The following CDH19 variants were observed in gnomAD, a reference collection of about 807,000 sequenced individuals.
CDH19 encodes the protein cadherin-19.
In CDH19, 67 loss-of-function variants were observed where a neutral mutation model predicts 64.2. That is an observed-to-expected ratio of 1.04 (90% CI 0.86 to 1.28). The LOEUF (loss-of-function observed/expected upper bound fraction) is 1.28, where lower values mean the gene tolerates loss of function less well. Among genes scored for constraint, CDH19 ranks in the 50% most tolerant of loss-of-function variants. The pLI is 0.00. For missense variants in CDH19, 1,030 were observed against 929.0 expected (o/e 1.11, Z -1.41); for synonymous variants, 346 against 319.3 (o/e 1.08, Z -0.89).
intron 1 of CDH19, among the ~76,000 whole-genome samples, chr18:66,574,144 C>T (rs993889769): frequency 2.0e-5 from 3 of 151,606 alleles, no homozygotes; most frequent in African/African-American, 7.3e-5. Flanking sequence ...CGTTTATATG[C>T]TGAAGAGTCA....
intron 7 of CDH19, among the ~76,000 whole-genome samples, chr18:66,538,638 G>A (rs905198893): frequency 2.6e-5 from 4 of 152,074 alleles, no homozygotes; most frequent in Non-Finnish European, 5.9e-5. Flanking sequence ...TTCTAGGCCT[G>A]CTGCAACAAA....
At chr18:66,516,571 C>G (rs1052059672) in intron 9 of CDH19, among the ~76,000 whole-genome samples, 2 of 152,000 alleles carry the variant, frequency 1.3e-5, no homozygotes, top group Non-Finnish European at 2.9e-5. Context: ...TCACCATTTT[C>G]AAGAGGGCTA....
rs770766547 is a variant in CDH19, at chr18:66,553,109, T to C, written c.610+1296A>G. 5.2e-5 allele frequency among the ~76,000 whole-genome samples: 7 copies of C among 134,758 alleles called. 1 individual carries two copies. Among genetic ancestry groups the C allele is most frequent in the Non-Finnish European group, 1.1e-4 (7 of 65,810 alleles). 88.4% of individuals were successfully genotyped at this position (134,758 alleles called of 152,430 possible). ...CCCACTGAAACTTTTTGGTTTTACT[T>C]CATAAGTACCTACAGTGGAATGTAT... On this transcript the variant is annotated intron_variant, in intron 4 of 11. Transcript: ENST00000262150.
chr18:66,603,960 A>G lies in CDH19; in HGVS notation c.-119T>C, dbSNP rs763069652. ...CTGATTATCACAGTCTTACCTTTGT[A>G]ACTTCAACTTCTAGAAGTTCTGTGA... is the stretch of plus-strand genomic sequence containing the variant. On this transcript the variant is annotated 5_prime_UTR_variant, in exon 1 of 12. Transcript: ENST00000262150. 6.6e-6 allele frequency: 1 copy of G among 152,152 alleles called. No individual in the cohort carries two copies. The highest frequency in any genetic ancestry group is 2.4e-5 in the African/African-American group (1 of 41,444). The allele number at this position is 152,152 out of a possible 1,614,324, so 9.4% of individuals were successfully genotyped here. A position where few individuals can be genotyped will look rare whatever the true frequency, so the allele number is the denominator to read the frequency against.
At chr18:66,510,791 G>A (rs1422636789) in intron 10 of CDH19, among the ~76,000 whole-genome samples, 2 of 151,266 alleles carry the variant, frequency 1.3e-5, no homozygotes, top group African/African-American at 2.4e-5. Context: ...CAGACAGAAA[G>A]GTGTTGCATT....
intron 1 of CDH19, among the ~76,000 whole-genome samples, chr18:66,591,957 A>G (rs993076297): frequency 4.0e-5 from 6 of 151,888 alleles, no homozygotes; most frequent in African/African-American, 1.4e-4. Context: ...GGCATTTCAA[A>G]GTGCATACTG....
chr18:66,513,655 A>C (rs12957423), intron 9 of CDH19, among the ~76,000 whole-genome samples: 43,443 of 151,156 alleles, frequency 0.29, 7,327 homozygotes, highest in Non-Finnish European at 0.38. Flanking sequence ...TTATAAGAAA[A>C]ACTTCTATAT....
chr18:66,561,217 C>T (rs930095687), intron 3 of CDH19, among the ~76,000 whole-genome samples: 1 of 152,020 alleles, frequency 6.6e-6, no homozygotes, highest in African/African-American at 2.4e-5. Flanking sequence ...TTCACTCTGG[C>T]TTATTTTAAT....
At position 66,509,085 on chromosome 18, in the gene CDH19, G is replaced by A; in HGVS notation, c.1738C>T (p.Gln580Ter). The A allele has an allele frequency of 6.2e-7, 1 of 1,612,868 alleles. No homozygotes were observed. Among genetic ancestry groups the A allele is most frequent in the Non-Finnish European group, 8.5e-7 (1 of 1,179,254 alleles). Residue 580 changes from glutamine to a stop codon, truncating the protein, a stop_gained, in exon 11 of 12, where the codon CAG becomes TAG. Transcript: ENST00000262150. LOFTEE classifies it high-confidence loss of function. ...ACAAGCTCCTGGTACTGGCAGGTCT[G>A]TGTGCTCCCACTGTCACCACAGTCA... is the stretch of plus-strand genomic sequence containing the variant. ...VCDCGDSGSTQTCQYQELVLS... is the reference protein window; with the variant it reads ...VCDCGDSGST
intron 3 of CDH19, among the ~76,000 whole-genome samples, chr18:66,556,596 A>T (rs1416012926): frequency 1.3e-5 from 2 of 151,794 alleles, no homozygotes; most frequent in Non-Finnish European, 2.9e-5. Context: ...AAATGGTAAG[A>T]TTTTCTTCTT....
chr18:66,593,886 A>G (rs1988811233), intron 1 of CDH19, among the ~76,000 whole-genome samples: 1 of 152,142 alleles, frequency 6.6e-6, no homozygotes, highest in African/African-American at 2.4e-5. Context: ...TTGCTGAGAG[A>G]GGGAAAACAG....
At chr18:66,522,112 AT>A (rs796140199) in intron 9 of CDH19, among the ~76,000 whole-genome samples, 1 of 149,032 alleles carries the variant, frequency 6.7e-6, no homozygotes, top group African/African-American at 2.5e-5. Context: ...ATGCCCGGCA[AT>A]TTTTTTTTGT....
At chr18:66,555,269 T>A (rs918441842) in intron 3 of CDH19, among the ~76,000 whole-genome samples, 8 of 151,870 alleles carry the variant, frequency 5.3e-5, no homozygotes, top group African/African-American at 1.9e-4. Context: ...GGATCTTATT[T>A]GAAATATGTA....
chr18:66,545,172 G>T (rs2144492161), intron 5 of CDH19, among the ~76,000 whole-genome samples: 1 of 151,950 alleles, frequency 6.6e-6, no homozygotes. Context: ...TAGAGATAGG[G>T]TTTCACCGTT....
Position 66,563,094 on chromosome 18 carries a change from C to T in CDH19, c.490+5322G>A, listed in dbSNP as rs184596260. On this transcript the variant is annotated intron_variant, in intron 3 of 11. Coordinates refer to ENST00000262150, the MANE Select transcript of CDH19 (RefSeq NM_021153.4). The stretch of plus-strand genomic sequence containing the variant: ...CTGGTGATTATGGGAAGCATATAAA[C>T]AAAAAATCATAAAAAGTGAAAAATT... Among the ~76,000 whole-genome samples, 196 of 151,890 alleles carry T rather than the reference C, an allele frequency of 1.3e-3. 2 individuals carry two copies. The highest frequency in any genetic ancestry group is 3.7e-3 in the East Asian group (19 of 5,152).
At chr18:66,535,850 G>T (rs980403687) in intron 7 of CDH19, among the ~76,000 whole-genome samples, 3 of 145,886 alleles carry the variant, frequency 2.1e-5, no homozygotes, top group African/African-American at 7.4e-5. Context: ...TACAATATAT[G>T]TATGTATATA....
chr18:66,533,016 T>C (rs1358288585), intron 8 of CDH19, among the ~76,000 whole-genome samples: 1 of 152,030 alleles, frequency 6.6e-6, no homozygotes, highest in Non-Finnish European at 1.5e-5. Flanking sequence ...TCTCTTAGAT[T>C]TCCTATGATG....
intron 9 of CDH19, among the ~76,000 whole-genome samples, chr18:66,514,655 AATCACT>A (rs1471908091): frequency 2.6e-5 from 4 of 151,602 alleles, no homozygotes; most frequent in Non-Finnish European, 5.9e-5. Context: ...ATGAAACTAT[AATCACT>A]ATTTGACTTT....
Position 66,544,707 on chromosome 18 carries a change from T to C in CDH19, c.960+12A>G, listed in dbSNP as rs1987034093. 1.3e-6 allele frequency: 2 copies of C among 1,568,490 alleles called. No homozygotes were observed. Among genetic ancestry groups the C allele is most frequent in the Non-Finnish European group, 1.7e-6 (2 of 1,149,348 alleles). On this transcript the variant is annotated intron_variant, in intron 6 of 11. Coordinates refer to ENST00000262150, the MANE Select transcript of CDH19 (RefSeq NM_021153.4). ...CGCTATTCTGCAAGGCAAATAATTTTAACATGTCTACCTTTTTTAATATAA... is the reference window on the plus strand; with the variant it reads ...CGCTATTCTGCAAGGCAAATAATTTCAACATGTCTACCTTTTTTAATATAA...
Sources: gnomAD v4.1 joint callset for allele counts (sites outside exome capture counted in the v4.1 genomes callset) on GRCh38, gnomAD v4.1.1 for gene constraint, MANE v1.5 for transcripts, NCBI Gene and HGNC (gene_info 2026-07-23, HGNC 2026-07-21) for gene names.